The following SH3RF3 variants were observed in gnomAD, a reference collection of about 807,000 sequenced individuals.
The protein encoded by SH3RF3 is SH3 domain containing ring finger 3.
SH3RF3 carries 29 observed loss-of-function variants against 66.3 expected under a neutral mutation model. The ratio of observed to expected loss-of-function variants is 0.44; its 90% CI spans 0.33 to 0.60. The LOEUF is 0.60. SH3RF3 is among the 20% of genes least tolerant of loss of function. The pLI is 0.04. For missense variants in SH3RF3, 1,194 were observed against 1,190.9 expected (o/e 1.00, Z -0.04); for synonymous variants, 583 against 532.0 (o/e 1.10, Z -1.32).
chr2:109,398,762 A>G lies in SH3RF3; in HGVS notation c.1118A>G (p.Lys373Arg), dbSNP rs925422030. Reference protein sequence around the residue: ...VSAFQRRVDGKKNTKKRHSFT... With the variant: ...VSAFQRRVDGRKNTKKRHSFT... ...GCCTTTCAGCGGCGTGTGGATGGCAAGAAGAACACCAAGAAACGCCACTCC... is the reference window on the plus strand; with the variant it reads ...GCCTTTCAGCGGCGTGTGGATGGCAGGAAGAACACCAAGAAACGCCACTCC... The change falls in exon 4 of 10, where the codon AAG (lysine) becomes AGG (arginine). Residue 373 changes from lysine to arginine, a missense_variant. Physicochemically the swap from Lys to Arg is conservative, Grantham distance 26. Coordinates refer to ENST00000309415, the MANE Select transcript of SH3RF3 (RefSeq NM_001099289.3). The G allele has an allele frequency of 4.3e-6, 7 of 1,613,710 alleles. No individual in the cohort carries two copies. Among genetic ancestry groups the G allele is most frequent in the Non-Finnish European group, 5.1e-6 (6 of 1,179,816 alleles).
intron 6 of SH3RF3, among the ~76,000 whole-genome samples, chr2:109,435,653 G>A (rs1413723587): frequency 2.0e-5 from 3 of 152,244 alleles, no homozygotes; most frequent in Non-Finnish European, 4.4e-5. Flanking sequence ...GAGGGCAGAG[G>A]GAAAGGGTTT....
chr2:109,190,599 C>T (rs1678326297), intron 1 of SH3RF3, among the ~76,000 whole-genome samples: 1 of 152,240 alleles, frequency 6.6e-6, no homozygotes, highest in Non-Finnish European at 1.5e-5. Context: ...AATTACCACA[C>T]TCCCATTGCA....
At chr2:109,342,004 A>T (rs1286705133) in intron 1 of SH3RF3, among the ~76,000 whole-genome samples, 1 of 152,200 alleles carries the variant, frequency 6.6e-6, no homozygotes, top group African/African-American at 2.4e-5. Context: ...CTTGGTGTGT[A>T]TACAATTAGG....
At chr2:109,282,968 T>G (rs993190295) in intron 1 of SH3RF3, among the ~76,000 whole-genome samples, 2 of 152,108 alleles carry the variant, frequency 1.3e-5, no homozygotes, top group Non-Finnish European at 2.9e-5. Context: ...TTACTCTCCC[T>G]GGGTCCTACT....
intron 1 of SH3RF3, among the ~76,000 whole-genome samples, chr2:109,271,193 C>T (rs980853477): frequency 1.3e-5 from 2 of 152,106 alleles, no homozygotes; most frequent in African/African-American, 4.8e-5. Context: ...ATGAGCAAAA[C>T]AAGGTTTGCC....
At chr2:109,135,378 C>T (rs1676791751) in intron 1 of SH3RF3, among the ~76,000 whole-genome samples, 1 of 152,212 alleles carries the variant, frequency 6.6e-6, no homozygotes, top group Non-Finnish European at 1.5e-5. Context: ...TTGGCTTCCA[C>T]ACTTCCTCAC....
chr2:109,326,319 A>G (rs1559025104), intron 1 of SH3RF3, among the ~76,000 whole-genome samples: 3 of 152,178 alleles, frequency 2.0e-5, no homozygotes, highest in South Asian at 4.2e-4. Flanking sequence ...ATCATAGACT[A>G]TCTACTTCAC....
intron 9 of SH3RF3, among the ~76,000 whole-genome samples, 196 bp downstream of exon 9, chr2:109,491,132 T>C (rs1679120294): frequency 6.6e-6 from 1 of 152,216 alleles, no homozygotes; most frequent in South Asian, 2.1e-4. Flanking sequence ...TGGAGTGTTA[T>C]TTCATGTTCT....
chr2:109,295,537 C>A (rs549571222), intron 1 of SH3RF3, among the ~76,000 whole-genome samples: 1 of 152,284 alleles, frequency 6.6e-6, no homozygotes, highest in East Asian at 1.9e-4. Context: ...AAGAAGGGGG[C>A]TTCATGTTGA....
At chr2:109,331,394 A>G (rs545963737) in intron 1 of SH3RF3, among the ~76,000 whole-genome samples, 4 of 151,854 alleles carry the variant, frequency 2.6e-5, no homozygotes, top group Admixed American at 2.0e-4. Context: ...GTTTTGCATC[A>G]TGAACTGATT....
At position 109,389,504 on chromosome 2, in the gene SH3RF3, T is replaced by A. The variant is rs564657014; in HGVS notation, c.946-9086T>A. 1.7e-3 allele frequency among the ~76,000 whole-genome samples: 261 copies of A among 152,308 alleles called. 1 individual carries two copies. The highest frequency in any genetic ancestry group is 5.8e-3 in the African/African-American group (240 of 41,572). ...CCACATGGACGCATGCCAATATTTA[T>A]TCTATTCCGTTTCTTAAAAAGGCCG... On this transcript the variant is annotated intron_variant, in intron 3 of 9. Coordinates refer to ENST00000309415, the MANE Select transcript of SH3RF3 (RefSeq NM_001099289.3).
intron 1 of SH3RF3, among the ~76,000 whole-genome samples, chr2:109,209,977 C>G (rs753444222): frequency 6.6e-6 from 1 of 152,220 alleles, no homozygotes; most frequent in South Asian, 2.1e-4. Flanking sequence ...AACTCCTCCA[C>G]GCTCAGCCCC....
At chr2:109,369,921 C>T (rs1368792731) in intron 2 of SH3RF3, among the ~76,000 whole-genome samples, 1 of 152,226 alleles carries the variant, frequency 6.6e-6, no homozygotes, top group Non-Finnish European at 1.5e-5. Flanking sequence ...GCATCAGAGG[C>T]TCCTTGGAAA....
chr2:109,421,239 G>C (rs1050990153), intron 5 of SH3RF3, among the ~76,000 whole-genome samples: 1 of 152,234 alleles, frequency 6.6e-6, no homozygotes, highest in Non-Finnish European at 1.5e-5. Context: ...GCAGGATGCA[G>C]GTCAGGTTGC....
chr2:109,130,167 G>T, intron 1 of SH3RF3, 54 bp downstream of exon 1: 2 of 1,253,134 alleles, frequency 1.6e-6, no homozygotes, highest in Non-Finnish European at 2.0e-6. Flanking sequence ...GTGTGGGTGG[G>T]TGCTTGGGCG....
intron 1 of SH3RF3, among the ~76,000 whole-genome samples, chr2:109,321,356 C>T (rs2105459951): frequency 6.6e-6 from 1 of 152,330 alleles, no homozygotes; most frequent in Non-Finnish European, 1.5e-5. Flanking sequence ...ACCAGAACGT[C>T]ATCATTCATT....
At chr2:109,133,080 T>C (rs1676734254) in intron 1 of SH3RF3, among the ~76,000 whole-genome samples, 1 of 152,218 alleles carries the variant, frequency 6.6e-6, no homozygotes, top group African/African-American at 2.4e-5. Flanking sequence ...TGGATGGAGC[T>C]GACAGTAGAG....
At chr2:109,240,137 G>A (rs1475409608) in intron 1 of SH3RF3, among the ~76,000 whole-genome samples, 1 of 152,184 alleles carries the variant, frequency 6.6e-6, no homozygotes, top group Admixed American at 6.5e-5. Flanking sequence ...ACTTGGCACT[G>A]CCCTCTCTTC....
At chr2:109,313,806 C>T (rs1158990826) in intron 1 of SH3RF3, among the ~76,000 whole-genome samples, 1 of 152,172 alleles carries the variant, frequency 6.6e-6, no homozygotes, top group African/African-American at 2.4e-5. Flanking sequence ...ATGAGTGAAA[C>T]AGAGGGGCTT....
Sources: gnomAD v4.1 joint callset for allele counts (sites outside exome capture counted in the v4.1 genomes callset) on GRCh38, gnomAD v4.1.1 for gene constraint, MANE v1.5 for transcripts, NCBI Gene and HGNC (gene_info 2026-07-23, HGNC 2026-07-21) for gene names.